CAPN11: variants seen among roughly 807,000 people sequenced by gnomAD.
CAPN11 encodes the protein calpain 11.
CAPN11 carries 108 observed loss-of-function variants against 105.3 expected under a neutral mutation model. That is an observed-to-expected ratio of 1.03 (90% CI 0.88 to 1.20). CAPN11 has a LOEUF of 1.20. Among genes scored for constraint, CAPN11 ranks in the 50% most tolerant of loss-of-function variants. The pLI, the probability that CAPN11 is intolerant of heterozygous loss-of-function variation, is 0.00. For missense variants in CAPN11, 883 were observed against 924.8 expected (o/e 0.95, Z 0.59); for synonymous variants, 329 against 344.5 (o/e 0.96, Z 0.50).
At position 44,183,854 on chromosome 6, in the gene CAPN11, G is replaced by A. The variant is rs1774178253; in HGVS notation, c.2194-52G>A. 5 of 1,447,532 alleles carry A rather than the reference G, an allele frequency of 3.5e-6. No individual in the cohort carries two copies. In the East Asian group the frequency reaches 1.2e-4, roughly 34 times the overall value. The allele number at this position is 1,447,532 out of a possible 1,614,324, so 89.7% of individuals were successfully genotyped here. A position where few individuals can be genotyped will look rare whatever the true frequency, so the allele number is the denominator to read the frequency against. On this transcript the variant is annotated intron_variant, in intron 22 of 22. Transcript: ENST00000398776. ...ACCCAGCTCTGATGTCCCCGGGCCA[G>A]CATCCTGCCCCCGTCTCTTCCCACC... is the stretch of plus-strand genomic sequence containing the variant.
At chr6:44,183,871 C>T in intron 22 of CAPN11, 35 bp from the exon 23 acceptor site, 9 of 1,564,354 alleles carry the variant, frequency 5.8e-6, no homozygotes, top group Non-Finnish European at 7.8e-6. Context: ...GCCCCCGTCT[C>T]TTCCCACCCT....
rs747074821 is a variant in CAPN11, at chr6:44,179,942, A to AT, written c.1429-9dup. 2.5e-6 allele frequency: 4 copies of AT among 1,599,118 alleles called. No homozygotes were observed. The highest frequency in any genetic ancestry group is 2.6e-6 in the Non-Finnish European group (3 of 1,166,566). On this transcript the variant is annotated splice_polypyrimidine_tract_variant and intron_variant, in intron 13 of 22. Coordinates refer to ENST00000398776, the MANE Select transcript of CAPN11 (RefSeq NM_007058.4). Reference sequence around the variant, plus strand: ...TGCCAGTCCTGTACCCACTTCCAGGATGCATATAGTTTCAGAACATTCAGG... The same window carrying AT: ...TGCCAGTCCTGTACCCACTTCCAGGATTGCATATAGTTTCAGAACATTCAGG...
chr6:44,165,334 A>C (rs1769617324), intron 1 of CAPN11, among the ~76,000 whole-genome samples: 1 of 152,218 alleles, frequency 6.6e-6, no homozygotes, highest in Non-Finnish European at 1.5e-5. Flanking sequence ...GTTTTGTGTC[A>C]GAAACAAATG....
chr6:44,179,775 G>A (rs1478764688), intron 13 of CAPN11, 145 bp downstream of exon 13: 2 of 991,604 alleles, frequency 2.0e-6, no homozygotes, highest in East Asian at 4.8e-5. Context: ...GGGCTGGTAG[G>A]GGTCGGGAAA....
At chr6:44,182,770 C>T (rs898882863) in intron 19 of CAPN11, among the ~76,000 whole-genome samples, 171 bp from the exon 20 acceptor site, 1 of 152,080 alleles carries the variant, frequency 6.6e-6, no homozygotes, top group Non-Finnish European at 1.5e-5. Context: ...GACGGGGTTT[C>T]GTCATGTTGG....
At chr6:44,180,557 G>C in intron 15 of CAPN11, 40 bp from the exon 16 acceptor site, 3 of 1,613,798 alleles carry the variant, frequency 1.9e-6, no homozygotes, top group Non-Finnish European at 2.5e-6. Context: ...TGTGAAAGAA[G>C]TTTTCTGACC....
At chr6:44,179,763 C>G (rs1162155528) in intron 13 of CAPN11, 133 bp downstream of exon 13, 2 of 1,042,402 alleles carry the variant, frequency 1.9e-6, no homozygotes, top group Admixed American at 1.8e-5. Flanking sequence ...CAGCCCTCTT[C>G]AGGGCTGGTA....
intron 6 of CAPN11, 49 bp from the exon 7 acceptor site, chr6:44,173,169 C>A (rs745954774): frequency 6.2e-7 from 1 of 1,606,686 alleles, no homozygotes; most frequent in South Asian, 1.1e-5. Flanking sequence ...ATCCCTCCCT[C>A]CCCTCACCTC....
chr6:44,181,507 C>CTCACAT (rs1773298762), intron 19 of CAPN11, among the ~76,000 whole-genome samples, 187 bp downstream of exon 19: 2 of 138,992 alleles, frequency 1.4e-5, no homozygotes, highest in African/African-American at 2.7e-5. Context: ...CACACACACA[C>CTCACAT]ACTCACATAC....
chr6:44,158,980 G>A, intron 1 of CAPN11, 116 bp downstream of exon 1: 2 of 596,190 alleles, frequency 3.4e-6, no homozygotes, highest in Non-Finnish European at 5.0e-6. Flanking sequence ...TACAGAGAGT[G>A]ACTCTTCCAT....
chr6:44,178,028 T>G (rs942833604), intron 12 of CAPN11, among the ~76,000 whole-genome samples: 4 of 152,092 alleles, frequency 2.6e-5, no homozygotes, highest in African/African-American at 9.7e-5. Context: ...TTTTTAAAAT[T>G]TTTCGTAAGA....
intron 1 of CAPN11, 73 bp from the exon 2 acceptor site, chr6:44,166,685 C>A (rs1769920597): frequency 1.7e-6 from 2 of 1,143,108 alleles, no homozygotes; most frequent in South Asian, 1.3e-5. Context: ...TTCCTACACC[C>A]CAGCCCCAGC....
At chr6:44,166,936 T>C in intron 2 of CAPN11, 107 bp downstream of exon 2, 2 of 462,776 alleles carry the variant, frequency 4.3e-6, no homozygotes, top group South Asian at 3.6e-5. Flanking sequence ...AGTCATGTTG[T>C]GTGGGGAGGG....
chr6:44,182,132 T>C (rs940449464), intron 19 of CAPN11, among the ~76,000 whole-genome samples: 25 of 1,626 alleles, frequency 0.015, 1 homozygote, highest in East Asian at 0.028. Flanking sequence ...CACACACACA[T>C]ACACACTCAC....
intron 7 of CAPN11, 55 bp downstream of exon 7, chr6:44,173,441 C>A: frequency 3.4e-6 from 4 of 1,185,674 alleles, no homozygotes; most frequent in Non-Finnish European, 4.8e-6. Context: ...TGCTGTCACC[C>A]AAAAGGCTCT....
Position 44,181,418 on chromosome 6 carries a change from A to ACACACACACACCCCCAACCACACCACACT in CAPN11, c.1938+109_1938+110insCCCCAACCACACCACACTCACACACACAC, listed in dbSNP as rs1561853601. 37 of 90,728 alleles carry ACACACACACACCCCCAACCACACCACACT rather than the reference A, an allele frequency of 4.1e-4. 9 individuals are homozygous for ACACACACACACCCCCAACCACACCACACT. Among genetic ancestry groups the ACACACACACACCCCCAACCACACCACACT allele is most frequent in the Non-Finnish European group, 6.8e-4 (34 of 50,066 alleles). 5.6% of individuals were successfully genotyped at this position (90,728 alleles called of 1,614,324 possible). A position where few individuals can be genotyped will look rare whatever the true frequency, so the allele number is the denominator to read the frequency against. ...GGAAGCTAGAACCCAAGCCCTAACC[A>ACACACACACACCCCCAACCACACCACACT]CACACACACACACACCCAACCACAC... is the stretch of plus-strand genomic sequence containing the variant. On this transcript the variant is annotated intron_variant, in intron 19 of 22. Transcript: ENST00000398776.
In CAPN11 at chr6:44,184,170, T is replaced by A; in HGVS notation, c.*238T>A. On this transcript the variant is annotated 3_prime_UTR_variant, in exon 23 of 23. Coordinates refer to ENST00000398776, the MANE Select transcript of CAPN11 (RefSeq NM_007058.4). ...CCCAACCCGGCTTCTGATGGCTGGC[T>A]TTCCCCCACCATCGCTCTCTCAGAG... 1 of 583,164 alleles carries A rather than the reference T, an allele frequency of 1.7e-6. No individual in the cohort carries two copies. 36.1% of individuals were successfully genotyped at this position (583,164 alleles called of 1,614,324 possible).
rs765215999 is a variant in CAPN11, at chr6:44,177,383, G to C, written c.1379G>C (p.Gly460Ala). Residue 460 changes from glycine (G) to alanine (A), a missense_variant, in exon 12 of 23, where the codon GGA (glycine) becomes GCA (alanine). Gly to Ala is a moderately conservative substitution (Grantham distance 60). Coordinates refer to ENST00000398776, the MANE Select transcript of CAPN11 (RefSeq NM_007058.4). Reference protein sequence around the residue: ...QKNWRHARQQGAQLQTIGFVL... With the variant: ...QKNWRHARQQAAQLQTIGFVL... ...AACTGGCGGCATGCACGGCAGCAGG[G>C]AGCCCAGCTGCAGACCATTGGCTTT... is the stretch of plus-strand genomic sequence containing the variant. The C allele has an allele frequency of 1.9e-6, 3 of 1,613,724 alleles. No homozygotes were observed. Among genetic ancestry groups the C allele is most frequent in the African/African-American group, 2.7e-5 (2 of 75,038 alleles).
chr6:44,177,499 T>C lies in CAPN11; in HGVS notation c.1416+79T>C, dbSNP rs534684537. 2.4e-4 allele frequency: 326 copies of C among 1,350,384 alleles called. 3 individuals carry two copies. In the African/African-American group the frequency reaches 3.5e-3, roughly 15 times the overall value. 83.7% of individuals were successfully genotyped at this position (1,350,384 alleles called of 1,614,324 possible). On this transcript the variant is annotated intron_variant, in intron 12 of 22. Transcript: ENST00000398776. The stretch of plus-strand genomic sequence containing the variant: ...TCCTTTCTTTCTTTCTTTCTTTTTT[T>C]TTTTTCGAGACAGAGTCTCACTCTG...
Sources: allele counts gnomAD v4.1 joint callset (sites outside exome capture counted in the v4.1 genomes callset), GRCh38; gene constraint gnomAD v4.1.1; transcripts MANE v1.5; gene names NCBI Gene and HGNC (gene_info 2026-07-23, HGNC 2026-07-21).